Variants in PTPRQ observed in about 807,000 individuals in gnomAD.
PTPRQ encodes the protein phosphatidylinositol phosphatase PTPRQ.
PTPRQ carries 199 observed loss-of-function variants against 246.0 expected under a neutral mutation model. The ratio of observed to expected loss-of-function variants is 0.81; its 90% CI spans 0.72 to 0.91. The LOEUF (loss-of-function observed/expected upper bound fraction) is 0.91. Ranked by LOEUF, PTPRQ falls within the 40% of genes least tolerant of loss-of-function variation. The pLI, the probability that PTPRQ is intolerant of heterozygous loss-of-function variation, is 0.00. For missense variants in PTPRQ, 2,624 were observed against 2,528.4 expected (o/e 1.04, Z -0.81); for synonymous variants, 869 against 853.2 (o/e 1.02, Z -0.32).
chr12:80,448,643 C>A (rs61950901), intron 3 of PTPRQ, among the ~76,000 whole-genome samples: 1 of 148,692 alleles, frequency 6.7e-6, no homozygotes, highest in Non-Finnish European at 1.5e-5. Flanking sequence ...TTCGTTCTTG[C>A]GATAGTTTAC....
In PTPRQ at chr12:80,506,588, A is replaced by C; in HGVS notation, c.2475A>C (p.Gln825His). The C allele has an allele frequency of 6.5e-7, 1 of 1,536,982 alleles. No individual in the cohort carries two copies. The highest frequency in any genetic ancestry group is 2.5e-5 in the East Asian group (1 of 40,658). Residue 825 changes from glutamine to histidine, a missense_variant, in exon 16 of 45, where the codon CAA (glutamine) becomes CAC (histidine). Transcript: ENST00000644991. ...QNIKVLKKYTQYIIEVSASTL... is the reference protein window; with the variant it reads ...QNIKVLKKYTHYIIEVSASTL... ...CTTTAGTACTGAAGAAATATACCCA[A>C]TATATCATTGAGGTGTCTGCTAGTA...
chr12:80,559,144 A>C (rs1158793036), intron 25 of PTPRQ, among the ~76,000 whole-genome samples: 3 of 152,114 alleles, frequency 2.0e-5, no homozygotes, highest in Non-Finnish European at 2.9e-5. Context: ...TCCCGGGTTC[A>C]AGCAATTCTC....
rs1310848258 is a variant in PTPRQ at position 80,510,447 on chromosome 12, A to G, written c.2678+4A>G. On this transcript the variant is annotated splice_donor_region_variant and intron_variant, in intron 17 of 44. Coordinates refer to ENST00000644991, the MANE Select transcript of PTPRQ (RefSeq NM_001145026.2). Reference sequence around the variant, plus strand: ...TTTATTACACAGTTTATGTCTGGTAATAATTTTTTTTTTGGAAATAGTTCT... The same window carrying G: ...TTTATTACACAGTTTATGTCTGGTAGTAATTTTTTTTTTGGAAATAGTTCT... 11 of 1,535,486 alleles carry G rather than the reference A, an allele frequency of 7.2e-6. No homozygotes were observed.
intron 35 of PTPRQ, among the ~76,000 whole-genome samples, chr12:80,642,936 A>ACAAAC (rs1555210250): frequency 0.024 from 3,627 of 148,342 alleles, 240 homozygotes; most frequent in African/African-American, 0.087. Flanking sequence ...AAAAAAAAAA[A>ACAAAC]AAAAAAAAAA....
intron 17 of PTPRQ, among the ~76,000 whole-genome samples, chr12:80,522,847 G>A (rs1334656748): frequency 6.6e-6 from 1 of 152,140 alleles, no homozygotes; most frequent in African/African-American, 2.4e-5. Flanking sequence ...GTCTCTGCCA[G>A]GCTTTGGTAT....
chr12:80,493,574 A>AT (rs986890052), intron 10 of PTPRQ, 119 bp downstream of exon 10: 782 of 1,313,448 alleles, frequency 6.0e-4, no homozygotes, highest in South Asian at 1.2e-3. Context: ...CTGGAGTCGG[A>AT]TTTTTTTTTA....
chr12:80,660,616 T>C (rs1437908914), intron 39 of PTPRQ, among the ~76,000 whole-genome samples: 1 of 152,080 alleles, frequency 6.6e-6, no homozygotes, highest in Admixed American at 6.6e-5. Flanking sequence ...TTATCTCTCC[T>C]GTCAATTTCA....
At chr12:80,616,878 A>G (rs1754489848) in intron 30 of PTPRQ, among the ~76,000 whole-genome samples, 1 of 151,156 alleles carries the variant, frequency 6.6e-6, no homozygotes, top group Non-Finnish European at 1.5e-5. Flanking sequence ...GGGCCATTCG[A>G]ATGATCACGG....
chr12:80,540,943 G>A (rs1045871974), intron 20 of PTPRQ, among the ~76,000 whole-genome samples: 4 of 152,060 alleles, frequency 2.6e-5, no homozygotes, highest in Admixed American at 1.3e-4. Context: ...TCAAATTTAC[G>A]TTAATAGAGT....
At chr12:80,642,692 G>A (rs1352246959) in intron 35 of PTPRQ, among the ~76,000 whole-genome samples, 1 of 151,562 alleles carries the variant, frequency 6.6e-6, no homozygotes, top group Non-Finnish European at 1.5e-5. Flanking sequence ...AGGCCGAGGC[G>A]GGCGGATCAC....
chr12:80,471,965 T>C, intron 7 of PTPRQ, 140 bp from the exon 8 acceptor site: 1 of 960,894 alleles, frequency 1.0e-6, no homozygotes, highest in Non-Finnish European at 1.5e-6. Context: ...GTTTAAAATA[T>C]ATGCAGTTTT....
In PTPRQ at chr12:80,670,476, A is replaced by G. The variant is rs200166814; in HGVS notation, c.6586A>G (p.Met2196Val). The G allele has an allele frequency of 2.0e-3, 3,122 of 1,549,064 alleles. 5 individuals carry two copies. Among genetic ancestry groups the G allele is most frequent in the Non-Finnish European group, 2.5e-3 (2,840 of 1,145,658 alleles). The stretch of plus-strand genomic sequence containing the variant: ...AAGCAGGGCACATGACACCACACCT[A>G]TGATTGTTCACTGCAGGTGAGAAAG... Reference protein sequence around the residue: ...RASRAHDTTPMIVHCSAGVGR... With the variant: ...RASRAHDTTPVIVHCSAGVGR... Residue 2196 changes from methionine to valine, a missense_variant, in exon 42 of 45, where the codon ATG becomes GTG. Met to Val is a conservative substitution (Grantham distance 21, BLOSUM62 1). Transcript: ENST00000644991.
chr12:80,633,997 C>T (rs1899543268), intron 34 of PTPRQ, among the ~76,000 whole-genome samples: 1 of 152,196 alleles, frequency 6.6e-6, no homozygotes, highest in African/African-American at 2.4e-5. Flanking sequence ...TTCAGTCACC[C>T]TGAAATGTGC....
At chr12:80,659,414 C>T (rs1900554860) in intron 39 of PTPRQ, among the ~76,000 whole-genome samples, 1 of 151,938 alleles carries the variant, frequency 6.6e-6, no homozygotes, top group African/African-American at 2.4e-5. Context: ...CTCTGATAAT[C>T]AAATGCCATC....
chr12:80,513,469 C>T (rs1282851051), intron 17 of PTPRQ, among the ~76,000 whole-genome samples: 1 of 152,180 alleles, frequency 6.6e-6, no homozygotes, highest in African/African-American at 2.4e-5. Flanking sequence ...TGTCAACGTC[C>T]AGCCGCTTGT....
chr12:80,652,671 A>C, intron 37 of PTPRQ, 73 bp from the exon 38 acceptor site: 1 of 1,383,426 alleles, frequency 7.2e-7, no homozygotes, highest in Non-Finnish European at 9.5e-7. Context: ...AGGACAAATA[A>C]CTGTCTTTTA....
chr12:80,565,886 G>A (rs890922334), intron 25 of PTPRQ, among the ~76,000 whole-genome samples: 13 of 152,094 alleles, frequency 8.5e-5, no homozygotes, highest in African/African-American at 2.4e-4. Flanking sequence ...TTTGAGGAGG[G>A]AGCTATTTTA....
chr12:80,476,689 C>T (rs1893821150), intron 8 of PTPRQ, among the ~76,000 whole-genome samples: 1 of 151,988 alleles, frequency 6.6e-6, no homozygotes, highest in Non-Finnish European at 1.5e-5. Context: ...GTCATTTTTC[C>T]TTTGTTCCCT....
intron 12 of PTPRQ, 151 bp from the exon 13 acceptor site, chr12:80,495,848 C>A: frequency 1.1e-6 from 1 of 930,940 alleles, no homozygotes; most frequent in Non-Finnish European, 1.5e-6. Context: ...GGCCTATAAG[C>A]CCAAGAATTT....
Sources: allele counts gnomAD v4.1 joint callset (sites outside exome capture counted in the v4.1 genomes callset), GRCh38; gene constraint gnomAD v4.1.1; transcripts MANE v1.5; gene names NCBI Gene and HGNC (gene_info 2026-07-23, HGNC 2026-07-21).